Variants in COMMD10 observed in about 807,000 individuals in gnomAD.
The protein encoded by COMMD10 is COMM domain containing 10, also known as COMM domain-containing protein 10.
Under a neutral mutation model 28.9 loss-of-function variants are expected in COMMD10, and 33 were observed. The observed-to-expected ratio is 1.14, with a 90% CI of 0.87 to 1.53. The LOEUF is 1.53. Ranked by LOEUF, COMMD10 falls within the 40% of genes most tolerant of loss-of-function variation. The probability of loss-of-function intolerance (pLI) is 0.00; values close to 1 mark genes in which losing one functional copy is unlikely to be tolerated. For synonymous variants in COMMD10, 110 were observed against 81.7 expected, an observed-to-expected ratio of 1.35 and a Z score of -1.87; for missense variants, 310 against 233.4, an observed-to-expected ratio of 1.33 and a Z score of -2.14.
chr5:116,222,006 A>C (rs1749272825), intron 5 of COMMD10, among the ~76,000 whole-genome samples: 1 of 152,168 alleles, frequency 6.6e-6, no homozygotes, highest in South Asian at 2.1e-4. Context: ...AGTTACCAGG[A>C]GTGGATGTGG....
At chr5:116,127,023 C>A (rs1468457615) in intron 4 of COMMD10, among the ~76,000 whole-genome samples, 1 of 152,030 alleles carries the variant, frequency 6.6e-6, no homozygotes, top group Non-Finnish European at 1.5e-5. Context: ...TACAATCTAC[C>A]CAACTGACAA....
At chr5:116,289,047 A>G (rs184491374) in intron 5 of COMMD10, among the ~76,000 whole-genome samples, 22 of 151,132 alleles carry the variant, frequency 1.5e-4, no homozygotes, top group Admixed American at 3.9e-4. Flanking sequence ...ATGCCTGGCT[A>G]ATTTTTGTAT....
At chr5:116,246,837 T>C (rs571802656) in intron 5 of COMMD10, among the ~76,000 whole-genome samples, 2 of 152,150 alleles carry the variant, frequency 1.3e-5, no homozygotes, top group South Asian at 4.1e-4. Context: ...AAAAATGGAT[T>C]AAAGACTGTA....
chr5:116,107,351 T>C (rs563666256), intron 4 of COMMD10, among the ~76,000 whole-genome samples: 2 of 152,328 alleles, frequency 1.3e-5, no homozygotes, highest in East Asian at 3.9e-4. Flanking sequence ...CATAGTCCCA[T>C]ATTTCTTGGA....
intron 5 of COMMD10, among the ~76,000 whole-genome samples, chr5:116,251,871 T>C (rs943428953): frequency 6.6e-6 from 1 of 152,092 alleles, no homozygotes; most frequent in African/African-American, 2.4e-5. Flanking sequence ...TTCGCCACAC[T>C]GACTTCCACA....
intron 5 of COMMD10, among the ~76,000 whole-genome samples, chr5:116,217,805 G>A (rs1421962696): frequency 2.6e-5 from 4 of 151,964 alleles, no homozygotes. Context: ...AACTAGAAGG[G>A]AAAAGTGTTT....
In COMMD10 at chr5:116,274,294, A is replaced by G. The variant is rs73261035; in HGVS notation, c.511-17223A>G. On this transcript the variant is annotated intron_variant, in intron 5 of 6. Transcript: ENST00000274458. Reference sequence around the variant, plus strand: ...TAATAATTTGAGACATTTGTCTACAATAGAGTTTGGCAAACTTTCTTCTGT... The same window carrying G: ...TAATAATTTGAGACATTTGTCTACAGTAGAGTTTGGCAAACTTTCTTCTGT... Among the ~76,000 whole-genome samples the G allele has an allele frequency of 9.1e-4, 139 of 152,010 alleles. 5 individuals carry two copies. The highest frequency in any genetic ancestry group is 3.0e-3 in the African/African-American group (123 of 41,328).
At chr5:116,239,219 G>C (rs963728063) in intron 5 of COMMD10, among the ~76,000 whole-genome samples, 2 of 151,966 alleles carry the variant, frequency 1.3e-5, no homozygotes, top group Admixed American at 1.3e-4. Flanking sequence ...ATAGGTTCTT[G>C]GTTAACCAGC....
chr5:116,263,216 A>T (rs1173868675), intron 5 of COMMD10, among the ~76,000 whole-genome samples: 1 of 151,756 alleles, frequency 6.6e-6, no homozygotes, highest in Non-Finnish European at 1.5e-5. Context: ...GATACGTCTG[A>T]ATTGGAGCTG....
chr5:116,283,463 C>T lies in COMMD10; in HGVS notation c.511-8054C>T, dbSNP rs894537288. Among the ~76,000 whole-genome samples, 7 of 151,508 alleles carry T rather than the reference C, an allele frequency of 4.6e-5. 1 individual carries two copies. The highest frequency in any genetic ancestry group is 1.7e-4 in the African/African-American group (7 of 40,942). ...CCGGGTTCAAGCGATTCTCCTGCCT[C>T]ATCCTCCTGAGCAGCTGGAATTACA... is the stretch of plus-strand genomic sequence containing the variant. On this transcript the variant is annotated intron_variant, in intron 5 of 6. Coordinates refer to ENST00000274458, the MANE Select transcript of COMMD10 (RefSeq NM_016144.4).
intron 4 of COMMD10, among the ~76,000 whole-genome samples, chr5:116,130,454 C>G (rs1751826583): frequency 6.6e-6 from 1 of 151,930 alleles, no homozygotes; most frequent in Non-Finnish European, 1.5e-5. Context: ...GCTTCTCCGT[C>G]TTCTGGACGT....
intron 4 of COMMD10, among the ~76,000 whole-genome samples, chr5:116,119,002 T>C (rs1240034219): frequency 1.3e-5 from 2 of 152,220 alleles, no homozygotes; most frequent in Admixed American, 1.3e-4. Context: ...ATAGAGTTGA[T>C]GTACTTTTTC....
intron 5 of COMMD10, among the ~76,000 whole-genome samples, chr5:116,135,992 T>TA (rs1312843970): frequency 1.3e-5 from 2 of 152,198 alleles, no homozygotes; most frequent in Non-Finnish European, 1.5e-5. Flanking sequence ...GTAAAGTGTT[T>TA]AGTCCAGTGC....
intron 3 of COMMD10, 24 bp downstream of exon 3, chr5:116,091,213 C>A (rs750496998): frequency 7.6e-7 from 1 of 1,318,554 alleles, no homozygotes; most frequent in Admixed American, 1.8e-5. Flanking sequence ...ATCAAATTTT[C>A]TAGCCATGAT....
chr5:116,290,707 C>T (rs760127385), intron 5 of COMMD10, among the ~76,000 whole-genome samples: 9 of 150,618 alleles, frequency 6.0e-5, no homozygotes, highest in Non-Finnish European at 1.0e-4. Context: ...TTAGCATATT[C>T]TTGGCATTTT....
At chr5:116,114,175 T>C (rs1751154566) in intron 4 of COMMD10, among the ~76,000 whole-genome samples, 1 of 152,124 alleles carries the variant, frequency 6.6e-6, no homozygotes, top group Non-Finnish European at 1.5e-5. Context: ...GTAGCAGTGG[T>C]TGTCTAAGCA....
chr5:116,156,519 T>A (rs1378417505), intron 5 of COMMD10, among the ~76,000 whole-genome samples: 1 of 152,174 alleles, frequency 6.6e-6, no homozygotes. Flanking sequence ...ACACCATTAT[T>A]TGAGCTGGAA....
In COMMD10 at chr5:116,112,180, A is replaced by C. The variant is rs144476542; in HGVS notation, c.399+19480A>C. 2.0e-5 allele frequency among the ~76,000 whole-genome samples: 3 copies of C among 152,262 alleles called. No homozygotes were observed. The East Asian group carries it at 5.8e-4, about 29-fold the overall frequency. ...ATTTCTACTTCATTTATGGAGCTTG[A>C]TATTTCTCGATGTAGAACTCTTGAC... On this transcript the variant is annotated intron_variant, in intron 4 of 6. Transcript: ENST00000274458.
At chr5:116,125,744 C>G (rs1288467049) in intron 4 of COMMD10, among the ~76,000 whole-genome samples, 1 of 152,022 alleles carries the variant, frequency 6.6e-6, no homozygotes, top group East Asian at 1.9e-4. Context: ...AGGCTTTGTT[C>G]GTTTCTTTTT....
Sources: allele counts gnomAD v4.1 joint callset (sites outside exome capture counted in the v4.1 genomes callset), GRCh38; gene constraint gnomAD v4.1.1; transcripts MANE v1.5; gene names NCBI Gene and HGNC (gene_info 2026-07-23, HGNC 2026-07-21).